The following CACNG3 variants were observed in gnomAD, a reference collection of about 807,000 sequenced individuals.
CACNG3 encodes the protein calcium voltage-gated channel auxiliary subunit gamma 3, also known as voltage-dependent calcium channel gamma-3 subunit.
CACNG3 carries 3 observed loss-of-function variants against 28.5 expected under a neutral mutation model. That is an observed-to-expected ratio of 0.11 (90% confidence interval 0.05 to 0.27). CACNG3 has a LOEUF of 0.27. Among genes scored for constraint, CACNG3 ranks in the 10% least tolerant of loss-of-function variants. The pLI, the probability that CACNG3 is intolerant of heterozygous loss-of-function variation, is 1.00. For synonymous variants in CACNG3, 174 were observed against 162.2 expected, an observed-to-expected ratio of 1.07 and a Z score of -0.55; for missense variants, 236 against 414.4, an observed-to-expected ratio of 0.57 and a Z score of 3.74.
chr16:24,294,680 CATGAGCCA>C (rs1899006993), intron 1 of CACNG3, among the ~76,000 whole-genome samples: 1 of 152,096 alleles, frequency 6.6e-6, no homozygotes, highest in African/African-American at 2.4e-5. Flanking sequence ...GGATTACAGG[CATGAGCCA>C]CTGTACCCAG....
At chr16:24,292,006 G>C (rs1596630399) in intron 1 of CACNG3, among the ~76,000 whole-genome samples, 1 of 152,084 alleles carries the variant, frequency 6.6e-6, no homozygotes, top group Non-Finnish European at 1.5e-5. Context: ...TGGGGAGAGA[G>C]AGAGAGAGAC....
At chr16:24,322,279 C>G (rs1344142482) in intron 1 of CACNG3, among the ~76,000 whole-genome samples, 2 of 152,092 alleles carry the variant, frequency 1.3e-5, no homozygotes, top group African/African-American at 4.8e-5. Flanking sequence ...TCCAGATGCC[C>G]CGGGAGAACA....
chr16:24,318,258 C>T (rs1437100684), intron 1 of CACNG3, among the ~76,000 whole-genome samples: 2 of 152,082 alleles, frequency 1.3e-5, no homozygotes, highest in Non-Finnish European at 2.9e-5. Flanking sequence ...GTGGCACTAT[C>T]TCAGCTCACT....
At chr16:24,332,904 G>A (rs1364465553) in intron 1 of CACNG3, among the ~76,000 whole-genome samples, 1 of 152,120 alleles carries the variant, frequency 6.6e-6, no homozygotes, top group Non-Finnish European at 1.5e-5. Flanking sequence ...ACGAAAATAG[G>A]AGGCAAAACG....
chr16:24,315,248 T>A (rs979683940), intron 1 of CACNG3, among the ~76,000 whole-genome samples: 45 of 152,220 alleles, frequency 3.0e-4, no homozygotes, highest in African/African-American at 1.1e-3. Flanking sequence ...TTCACCAAAG[T>A]TTACCCATCT....
intron 1 of CACNG3, among the ~76,000 whole-genome samples, chr16:24,263,646 C>A (rs1408087635): frequency 2.0e-5 from 3 of 152,170 alleles, no homozygotes; most frequent in Non-Finnish European, 4.4e-5. Context: ...TATTTACTGA[C>A]TATGAGACCT....
chr16:24,343,099 G>C (rs1899813296), intron 1 of CACNG3, among the ~76,000 whole-genome samples: 1 of 152,146 alleles, frequency 6.6e-6, no homozygotes, highest in South Asian at 2.1e-4. Context: ...TGAGGCAGGA[G>C]AATCGCTTGA....
At chr16:24,263,237 A>G (rs1026430238) in intron 1 of CACNG3, among the ~76,000 whole-genome samples, 1 of 152,182 alleles carries the variant, frequency 6.6e-6, no homozygotes, top group African/African-American at 2.4e-5. Context: ...ATTCAGTTTT[A>G]TATTACTTTA....
chr16:24,317,752 C>T (rs1169884741), intron 1 of CACNG3, among the ~76,000 whole-genome samples: 1 of 151,930 alleles, frequency 6.6e-6, no homozygotes, highest in East Asian at 1.9e-4. Flanking sequence ...AACCTCGGGT[C>T]CCACCCCAGA....
chr16:24,342,069 A>C (rs1596649372), intron 1 of CACNG3, among the ~76,000 whole-genome samples: 1 of 152,218 alleles, frequency 6.6e-6, no homozygotes, highest in South Asian at 2.1e-4. Flanking sequence ...GGAGTTCAAG[A>C]CCAGCCTGGC....
chr16:24,256,432 C>T lies in CACNG3; in HGVS notation c.-323C>T, dbSNP rs1048017249. On this transcript the variant is annotated 5_prime_UTR_variant, in exon 1 of 4. Coordinates refer to ENST00000005284, the MANE Select transcript of CACNG3 (RefSeq NM_006539.4). The surrounding 1 kb of genome is among the most constrained non-coding windows in gnomAD (Gnocchi z 4.6). ...CAAACCGAGCTGGCAGCTCCAGGCT[C>T]CGGAGCCATGCCCTGCACGGACCCT... The T allele has an allele frequency of 1.3e-5, 4 of 314,612 alleles. No homozygotes were observed. The highest frequency in any genetic ancestry group is 4.6e-5 in the Admixed American group (1 of 21,618). 19.5% of individuals were successfully genotyped at this position (314,612 alleles called of 1,614,324 possible). A position where few individuals can be genotyped will look rare whatever the true frequency, so the allele number is the denominator to read the frequency against.
intron 1 of CACNG3, among the ~76,000 whole-genome samples, chr16:24,315,896 T>G (rs1338324978): frequency 3.3e-5 from 5 of 152,172 alleles, no homozygotes; most frequent in Admixed American, 2.6e-4. Flanking sequence ...TGACCTCAAG[T>G]GATCTGCCTG....
chr16:24,265,293 A>C (rs1335939419), intron 1 of CACNG3, among the ~76,000 whole-genome samples: 1 of 150,510 alleles, frequency 6.6e-6, no homozygotes, highest in Non-Finnish European at 1.5e-5. Flanking sequence ...GAAGGGAGGA[A>C]GGAAGGAAGG....
chr16:24,267,212 C>T (rs913062338), intron 1 of CACNG3, among the ~76,000 whole-genome samples: 4 of 152,084 alleles, frequency 2.6e-5, no homozygotes, highest in African/African-American at 4.8e-5. Context: ...GTGATCCGCC[C>T]GCCTTGGCCT....
chr16:24,313,679 C>G (rs1023259957), intron 1 of CACNG3, among the ~76,000 whole-genome samples: 1 of 151,924 alleles, frequency 6.6e-6, no homozygotes, highest in Non-Finnish European at 1.5e-5. Flanking sequence ...AGGCTGGTCT[C>G]AAACTCCTGG....
chr16:24,339,888 C>T (rs1899760661), intron 1 of CACNG3, among the ~76,000 whole-genome samples: 1 of 152,082 alleles, frequency 6.6e-6, no homozygotes, highest in Non-Finnish European at 1.5e-5. Flanking sequence ...AAGGGTTTGA[C>T]CTTTAAGAAA....
At chr16:24,308,473 C>A (rs557793470) in intron 1 of CACNG3, among the ~76,000 whole-genome samples, 1 of 152,296 alleles carries the variant, frequency 6.6e-6, no homozygotes, top group African/African-American at 2.4e-5. Flanking sequence ...CCTCTGCAAG[C>A]CGTCCTTGCA....
intron 1 of CACNG3, among the ~76,000 whole-genome samples, chr16:24,326,694 C>T (rs1407469542): frequency 6.6e-6 from 1 of 152,154 alleles, no homozygotes; most frequent in African/African-American, 2.4e-5. Flanking sequence ...ACTTCTGAAA[C>T]TGACAATGGA....
chr16:24,343,187 C>T (rs115194680), intron 1 of CACNG3, among the ~76,000 whole-genome samples: 63 of 151,972 alleles, frequency 4.1e-4, no homozygotes, highest in African/African-American at 1.5e-3. Flanking sequence ...GAAACTCTGC[C>T]TAAAAAACAA....
Sources: allele counts gnomAD v4.1 joint callset (sites outside exome capture counted in the v4.1 genomes callset), GRCh38; gene constraint gnomAD v4.1.1; non-coding constraint Gnocchi (gnomAD v3.1); transcripts MANE v1.5; gene names NCBI Gene and HGNC (gene_info 2026-07-23, HGNC 2026-07-21).